Variants in GBP7 observed in about 807,000 individuals in gnomAD.
GBP7 encodes guanylate-binding protein 7.
A neutral mutation model predicts 61.3 loss-of-function variants in GBP7; 43 were observed. That is an observed-to-expected ratio of 0.70 (90% CI 0.55 to 0.91). The LOEUF (loss-of-function observed/expected upper bound fraction) is 0.91, where lower values mean the gene tolerates loss of function less well. Among genes scored for constraint, GBP7 ranks in the 40% least tolerant of loss-of-function variants. The pLI, the probability that GBP7 is intolerant of heterozygous loss-of-function variation, is 0.00. For missense variants in GBP7, 717 were observed against 740.5 expected (o/e 0.97, Z 0.37); for synonymous variants, 267 against 271.0 (o/e 0.99, Z 0.14).
chr1:89,152,551 G>A (rs1456093340), intron 4 of GBP7, 87 bp from the exon 5 acceptor site: 1 of 1,499,522 alleles, frequency 6.7e-7, no homozygotes, highest in Non-Finnish European at 9.2e-7. Flanking sequence ...ATTCCCTTTT[G>A]CACTGTTTCT....
chr1:89,149,385 C>A lies in GBP7; in HGVS notation c.1059G>T (p.Leu353=), dbSNP rs1400238754. The change falls in exon 7 of 11, where the codon CTG becomes CTT. Residue 353 remains leucine, a synonymous_variant. Coordinates refer to ENST00000294671, the MANE Select transcript of GBP7 (RefSeq NM_207398.3). ...CCCTCTCACAAACTGCATGCACGTC[C>A]AGCAGCTCCTGGAGTGTGTCTGTGG... ...RFPTDTLQEL[L]DVHAVCEREA... 3 of 1,614,090 alleles carry A rather than the reference C, an allele frequency of 1.9e-6. No homozygotes were observed. The African/African-American group carries it at 4.0e-5, about 22-fold the overall frequency.
rs77127087 is a variant in GBP7, at chr1:89,160,525, A to G, written c.318+4206T>C. On this transcript the variant is annotated intron_variant, in intron 3 of 10. Transcript: ENST00000294671. ...TGGGCAAGTTTCTTGACCTCTCTCT[A>G]CTCAGTGTCCTTATCTGTCGAGTAG... 9.4e-3 allele frequency among the ~76,000 whole-genome samples: 1,424 copies of G among 152,028 alleles called. 9 individuals are homozygous for G. Among genetic ancestry groups the G allele is most frequent in the South Asian group, 0.032 (155 of 4,814 alleles).
chr1:89,161,661 GC>G (rs1647274506), intron 3 of GBP7, among the ~76,000 whole-genome samples: 4 of 151,876 alleles, frequency 2.6e-5, no homozygotes, highest in African/African-American at 9.7e-5. Flanking sequence ...CCTTATAGAT[GC>G]TGGATATTAG....
intron 8 of GBP7, among the ~76,000 whole-genome samples, chr1:89,145,346 A>C (rs547252914): frequency 6.6e-6 from 1 of 152,302 alleles, no homozygotes; most frequent in East Asian, 1.9e-4. Context: ...AATGTCCTCC[A>C]GGTTCATTCA....
intron 2 of GBP7, among the ~76,000 whole-genome samples, chr1:89,168,974 T>TAAAAAAAAAAAAA (rs374172595): frequency 1.5e-5 from 1 of 68,396 alleles, no homozygotes; most frequent in African/African-American, 7.3e-5. Flanking sequence ...CGCCTCAAGT[T>TAAAAAAAAAAAAA]AAAAAAAAAA....
intron 1 of GBP7, among the ~76,000 whole-genome samples, chr1:89,173,540 A>C (rs1207500535): frequency 6.6e-6 from 1 of 152,196 alleles, no homozygotes; most frequent in Non-Finnish European, 1.5e-5. Context: ...TGGAAAAATA[A>C]ATTTACTTCC....
intron 3 of GBP7, among the ~76,000 whole-genome samples, chr1:89,153,244 TATTA>T (rs1217145315): frequency 6.6e-6 from 1 of 152,210 alleles, no homozygotes; most frequent in Non-Finnish European, 1.5e-5. Flanking sequence ...TTCATTCACT[TATTA>T]ATTCATTCAT....
At chr1:89,140,658 A>G (rs927614117) in intron 9 of GBP7, among the ~76,000 whole-genome samples, 4 of 152,146 alleles carry the variant, frequency 2.6e-5, no homozygotes, top group African/African-American at 9.7e-5. Context: ...CAAAGAACTT[A>G]AAACAGAACT....
intron 1 of GBP7, among the ~76,000 whole-genome samples, chr1:89,172,755 T>C (rs952480970): frequency 1.9e-5 from 2 of 104,078 alleles, no homozygotes; most frequent in Non-Finnish European, 4.1e-5. Context: ...TACAATCTCA[T>C]CATACTTTTT....
intron 8 of GBP7, among the ~76,000 whole-genome samples, chr1:89,143,519 AT>A (rs1028649093): frequency 1.3e-5 from 2 of 152,016 alleles, no homozygotes; most frequent in East Asian, 1.9e-4. Context: ...TCTACATTTA[AT>A]TTTTTTTATT....
chr1:89,174,681 C>T (rs1570366292), intron 1 of GBP7, among the ~76,000 whole-genome samples: 1 of 152,208 alleles, frequency 6.6e-6, no homozygotes, highest in Non-Finnish European at 1.5e-5. Context: ...CCAATGGCTT[C>T]CTCCTCTCAC....
intron 3 of GBP7, among the ~76,000 whole-genome samples, chr1:89,153,809 C>T (rs942327914): frequency 2.6e-5 from 4 of 152,112 alleles, no homozygotes; most frequent in African/African-American, 9.7e-5. Flanking sequence ...TGAGTTCAAG[C>T]AAGAAGTTAC....
chr1:89,137,733 A>G (rs776209358), intron 9 of GBP7, among the ~76,000 whole-genome samples: 3 of 152,118 alleles, frequency 2.0e-5, no homozygotes, highest in Non-Finnish European at 4.4e-5. Context: ...TCACTTGAGA[A>G]CCAAAAACAG....
Position 89,155,267 on chromosome 1 carries a change from T to A in GBP7, c.319-2490A>T, listed in dbSNP as rs147850844. ...TGGGGAGAAACCAGAGCAGAAAAGC[T>A]GAAAATTCTAAAAATCAGAGCACCC... On this transcript the variant is annotated intron_variant, in intron 3 of 10. Coordinates refer to ENST00000294671, the MANE Select transcript of GBP7 (RefSeq NM_207398.3). 7.0e-3 allele frequency among the ~76,000 whole-genome samples: 1,068 copies of A among 152,248 alleles called. 33 individuals are homozygous for A. The highest frequency in any genetic ancestry group is 0.053 in the Admixed American group (815 of 15,298).
At chr1:89,163,452 C>A (rs540816517) in intron 3 of GBP7, among the ~76,000 whole-genome samples, 2 of 150,304 alleles carry the variant, frequency 1.3e-5, no homozygotes, top group Non-Finnish European at 3.0e-5. Context: ...CAGAGCTCAT[C>A]ATTTGTCTGT....
chr1:89,145,510 G>A (rs1297940402), intron 8 of GBP7, among the ~76,000 whole-genome samples: 1 of 151,984 alleles, frequency 6.6e-6, no homozygotes, highest in Non-Finnish European at 1.5e-5. Context: ...CTTGGCTATT[G>A]CAAATTATGC....
Position 89,132,088 on chromosome 1 carries a change from G to C in GBP7, c.*61C>G. ...TTTTAAACTTTTCTTAAATGAAACT[G>C]CAATAACACATATACTTTTAAAATG... is the stretch of plus-strand genomic sequence containing the variant. On this transcript the variant is annotated 3_prime_UTR_variant, in exon 11 of 11. Coordinates refer to ENST00000294671, the MANE Select transcript of GBP7 (RefSeq NM_207398.3). 1 of 1,347,608 alleles carries C rather than the reference G, an allele frequency of 7.4e-7. No homozygotes were observed. The highest frequency in any genetic ancestry group is 1.0e-6 in the Non-Finnish European group (1 of 992,716). 83.5% of individuals were successfully genotyped at this position (1,347,608 alleles called of 1,614,324 possible).
chr1:89,150,444 G>T lies in GBP7; in HGVS notation c.757C>A (p.Arg253=), dbSNP rs138285876. ...KKLLLHVEEV[R]EDQLDSNFQM... The stretch of plus-strand genomic sequence containing the variant: ...AAATTACTATCCAGTTGGTCTTCTC[G>T]TACTTCTTCAACATGGAGTAAGAGT... The change falls in exon 6 of 11, where the codon CGA becomes AGA. Residue 253 remains arginine, a synonymous_variant. Transcript: ENST00000294671. 4 of 1,613,978 alleles carry T rather than the reference G, an allele frequency of 2.5e-6. No homozygotes were observed. Among genetic ancestry groups the T allele is most frequent in the Non-Finnish European group, 3.4e-6 (4 of 1,179,914 alleles).
At chr1:89,159,347 C>G (rs192021117) in intron 3 of GBP7, among the ~76,000 whole-genome samples, 55 of 152,156 alleles carry the variant, frequency 3.6e-4, no homozygotes, top group African/African-American at 1.3e-3. Flanking sequence ...CAACAAAAGC[C>G]AAAATAGACA....
Sources: gnomAD v4.1 joint callset for allele counts (sites outside exome capture counted in the v4.1 genomes callset) on GRCh38, gnomAD v4.1.1 for gene constraint, MANE v1.5 for transcripts, NCBI Gene and HGNC (gene_info 2026-07-23, HGNC 2026-07-21) for gene names.